Variants in ATP8A2 observed in about 807,000 individuals in gnomAD.
The protein encoded by ATP8A2 is phospholipid-transporting ATPase IB.
ATP8A2 carries 100 observed loss-of-function variants against 165.6 expected under a neutral mutation model. The observed-to-expected ratio is 0.60, with a 90% CI of 0.51 to 0.71. The LOEUF (loss-of-function observed/expected upper bound fraction) is 0.71. ATP8A2 is among the 30% of genes least tolerant of loss of function. The probability of loss-of-function intolerance (pLI) is 0.00; values close to 1 mark genes in which losing one functional copy is unlikely to be tolerated. For missense variants in ATP8A2, 1,227 were observed against 1,479.5 expected (o/e 0.83, Z 2.80); for synonymous variants, 543 against 548.8 (o/e 0.99, Z 0.15).
intron 33 of ATP8A2, among the ~76,000 whole-genome samples, chr13:25,920,483 T>A (rs774647531): frequency 3.9e-5 from 6 of 152,196 alleles, no homozygotes; most frequent in Non-Finnish European, 8.8e-5. Flanking sequence ...CCTCTGCCTG[T>A]GTTTCTGCCT....
At chr13:25,908,845 A>T (rs1267396725) in intron 33 of ATP8A2, among the ~76,000 whole-genome samples, 1 of 152,156 alleles carries the variant, frequency 6.6e-6, no homozygotes, top group African/African-American at 2.4e-5. Context: ...TGTGGTGGGG[A>T]CAGTCGATCT....
chr13:26,012,723 GT>G, intron 36 of ATP8A2, 101 bp downstream of exon 36: 1 of 223,220 alleles, frequency 4.5e-6, no homozygotes, highest in Non-Finnish European at 8.0e-6. Context: ...GGCCGGGTGA[GT>G]GCTGACGGGG....
At chr13:25,505,931 G>C (rs146904858) in intron 2 of ATP8A2, among the ~76,000 whole-genome samples, 1 of 152,256 alleles carries the variant, frequency 6.6e-6, no homozygotes, top group Admixed American at 6.5e-5. Context: ...ATAGAGAAAG[G>C]AAAATGATGG....
intron 25 of ATP8A2, among the ~76,000 whole-genome samples, chr13:25,715,975 A>G (rs1011577515): frequency 1.3e-5 from 2 of 152,334 alleles, no homozygotes; most frequent in Admixed American, 6.5e-5. Context: ...GTTCCACCAC[A>G]TCCTTGCCAA....
intron 25 of ATP8A2, among the ~76,000 whole-genome samples, chr13:25,748,432 T>C (rs2044082498): frequency 1.3e-5 from 2 of 152,214 alleles, no homozygotes; most frequent in African/African-American, 4.8e-5. Flanking sequence ...GGTTCGAGCA[T>C]TGAATGACAT....
chr13:25,504,421 CTTTTTTTTT>C (rs577817952), intron 2 of ATP8A2, among the ~76,000 whole-genome samples: 17 of 124,174 alleles, frequency 1.4e-4, no homozygotes, highest in Non-Finnish European at 2.4e-4. Context: ...CTTTCCTTTC[CTTTTTTTTT>C]TTTTTTTTTT....
intron 27 of ATP8A2, among the ~76,000 whole-genome samples, chr13:25,804,312 A>G (rs1461186160): frequency 6.6e-6 from 1 of 152,190 alleles, no homozygotes; most frequent in African/African-American, 2.4e-5. Flanking sequence ...AAGTGTAAAG[A>G]TAGAAATAAG....
At chr13:25,952,437 G>A (rs1479193797) in intron 33 of ATP8A2, among the ~76,000 whole-genome samples, 1 of 151,336 alleles carries the variant, frequency 6.6e-6, no homozygotes, top group African/African-American at 2.4e-5. Context: ...CTGGAGTGCA[G>A]TGGCACAATC....
At chr13:25,510,137 T>C (rs971492266) in intron 2 of ATP8A2, among the ~76,000 whole-genome samples, 3 of 151,986 alleles carry the variant, frequency 2.0e-5, no homozygotes, top group Non-Finnish European at 4.4e-5. Flanking sequence ...TCTTTCTCTC[T>C]CTGACTCCCT....
intron 34 of ATP8A2, among the ~76,000 whole-genome samples, chr13:25,968,210 G>T (rs1027708487): frequency 6.6e-6 from 1 of 152,198 alleles, no homozygotes; most frequent in Non-Finnish European, 1.5e-5. Flanking sequence ...CTAAGGTGAG[G>T]GTTTAAAGTG....
At chr13:25,866,916 C>T (rs754353142) in intron 33 of ATP8A2, among the ~76,000 whole-genome samples, 1 of 152,140 alleles carries the variant, frequency 6.6e-6, no homozygotes, top group African/African-American at 2.4e-5. Context: ...ACGGTGACCA[C>T]CGTAAGGGCA....
chr13:25,965,786 C>A (rs1347520097), intron 34 of ATP8A2, among the ~76,000 whole-genome samples: 1 of 152,162 alleles, frequency 6.6e-6, no homozygotes. Context: ...ATCAACAATA[C>A]AGTCCCCGAT....
intron 10 of ATP8A2, among the ~76,000 whole-genome samples, chr13:25,544,935 G>A (rs1380591623): frequency 7.0e-6 from 1 of 142,610 alleles, no homozygotes; most frequent in African/African-American, 2.6e-5. Flanking sequence ...TTTTTAACAT[G>A]GCATCCAAGG....
chr13:25,906,023 T>C (rs1289208260), intron 33 of ATP8A2, among the ~76,000 whole-genome samples: 1 of 152,208 alleles, frequency 6.6e-6, no homozygotes, highest in African/African-American at 2.4e-5. Context: ...GTTTTTTTTC[T>C]AGCACCAGTC....
At chr13:25,562,544 A>G (rs534019102) in intron 15 of ATP8A2, among the ~76,000 whole-genome samples, 56 of 152,290 alleles carry the variant, frequency 3.7e-4, no homozygotes, top group African/African-American at 1.3e-3. Flanking sequence ...GTCAGTGTCT[A>G]TGGGTCTTTC....
chr13:25,726,649 C>T (rs978880467), intron 25 of ATP8A2, among the ~76,000 whole-genome samples: 1 of 152,202 alleles, frequency 6.6e-6, no homozygotes, highest in Admixed American at 6.5e-5. Flanking sequence ...TTAGCGCCCA[C>T]CCAATCTCAG....
chr13:25,470,864 A>G (rs1348775629), intron 2 of ATP8A2, among the ~76,000 whole-genome samples: 1 of 152,234 alleles, frequency 6.6e-6, no homozygotes, highest in Non-Finnish European at 1.5e-5. Flanking sequence ...CAGTCACAAA[A>G]GGCCTCATAG....
At chr13:26,001,782 GATAT>G (rs762022844) in intron 35 of ATP8A2, among the ~76,000 whole-genome samples, 24 of 152,024 alleles carry the variant, frequency 1.6e-4, no homozygotes, top group Non-Finnish European at 3.2e-4. Flanking sequence ...ACCTTTATCA[GATAT>G]GATTTGCAAA....
intron 30 of ATP8A2, among the ~76,000 whole-genome samples, chr13:25,841,861 G>A (rs1269787002): frequency 1.3e-5 from 2 of 152,178 alleles, no homozygotes; most frequent in East Asian, 3.9e-4. Flanking sequence ...CAGGGAGCTG[G>A]CTTCTTGTTA....
Sources: gnomAD v4.1 joint callset for allele counts (sites outside exome capture counted in the v4.1 genomes callset) on GRCh38, gnomAD v4.1.1 for gene constraint, MANE v1.5 for transcripts, NCBI Gene and HGNC (gene_info 2026-07-23, HGNC 2026-07-21) for gene names.